The following TAOK3 variants were observed in gnomAD, a reference collection of about 807,000 sequenced individuals.
TAOK3 encodes TAO kinase 3.
Under a neutral mutation model 120.4 loss-of-function variants are expected in TAOK3, and 40 were observed. The observed-to-expected ratio is 0.33, with a 90% CI of 0.26 to 0.43. The LOEUF (loss-of-function observed/expected upper bound fraction) is 0.43. TAOK3 is among the 20% of genes least tolerant of loss of function. The pLI, the probability that TAOK3 is intolerant of heterozygous loss-of-function variation, is 1.00. For missense variants in TAOK3, 821 were observed against 1,112.1 expected, an observed-to-expected ratio of 0.74 and a Z score of 3.72; for synonymous variants, 355 against 387.5, an observed-to-expected ratio of 0.92 and a Z score of 0.99.
chr12:118,246,486 G>A lies in TAOK3; in HGVS notation c.121-1521C>T. 1.2e-5 allele frequency: 19 copies of A among 1,554,808 alleles called. No individual in the cohort carries two copies. The South Asian group carries it at 1.9e-4, about 16-fold the overall frequency. ...GTTTGTTGCTATCGGGGACTACAAT[G>A]GCCACGTCGGTCTGGGTGTTAAGTG... On this transcript the variant is annotated intron_variant, in intron 3 of 20. Coordinates refer to ENST00000392533, the MANE Select transcript of TAOK3 (RefSeq NM_016281.4).
chr12:118,172,936 T>C (rs987961023), intron 16 of TAOK3, among the ~76,000 whole-genome samples: 1 of 152,128 alleles, frequency 6.6e-6, no homozygotes, highest in African/African-American at 2.4e-5. Context: ...GCTCCTATCA[T>C]GTGACAGGCA....
intron 1 of TAOK3, among the ~76,000 whole-genome samples, chr12:118,349,279 T>C (rs1473073517): frequency 6.6e-6 from 1 of 152,224 alleles, no homozygotes; most frequent in Non-Finnish European, 1.5e-5. Context: ...CCCAAGAGAA[T>C]GGAAAAATAT....
intron 9 of TAOK3, among the ~76,000 whole-genome samples, chr12:118,229,860 G>A (rs2039683797): frequency 6.6e-6 from 1 of 152,094 alleles, no homozygotes; most frequent in South Asian, 2.1e-4. Context: ...GAACCTGGGA[G>A]GTGGAGGTTG....
At chr12:118,239,143 G>A (rs2040138467) in intron 6 of TAOK3, 84 bp downstream of exon 6, 1 of 888,792 alleles carries the variant, frequency 1.1e-6, no homozygotes, top group Non-Finnish European at 1.9e-6. Flanking sequence ...CAATTAGACT[G>A]CCCAAACTAC....
intron 10 of TAOK3, 139 bp downstream of exon 10, chr12:118,213,878 G>A (rs2038749482): frequency 1.4e-6 from 1 of 711,840 alleles, no homozygotes. Context: ...ATGCTTGTGA[G>A]GCATCAGTGT....
At position 118,160,448 on chromosome 12, in the gene TAOK3, A is replaced by G. The variant is rs2035139922; in HGVS notation, c.2140-90T>C. Reference sequence around the variant, plus strand: ...ATAATGATATAATACAAGTGCTGAGAGCGTCTGTTTTTTGGTGCAGTGACT... The same window carrying G: ...ATAATGATATAATACAAGTGCTGAGGGCGTCTGTTTTTTGGTGCAGTGACT... On this transcript the variant is annotated intron_variant, in intron 18 of 20. Coordinates refer to ENST00000392533, the MANE Select transcript of TAOK3 (RefSeq NM_016281.4). This position sits in a 1 kb window ranked among gnomAD's most constrained non-coding sequence, Gnocchi z 4.2. 2 of 1,124,938 alleles carry G rather than the reference A, an allele frequency of 1.8e-6. No homozygotes were observed. The highest frequency in any genetic ancestry group is 2.6e-6 in the Non-Finnish European group (2 of 775,392). The allele number at this position is 1,124,938 out of a possible 1,614,324, so 69.7% of individuals were successfully genotyped here.
At chr12:118,221,036 G>GT (rs2139637517) in intron 9 of TAOK3, among the ~76,000 whole-genome samples, 1 of 152,316 alleles carries the variant, frequency 6.6e-6, no homozygotes, top group East Asian at 1.9e-4. Flanking sequence ...GCCTGCTTTT[G>GT]TAAGTTTATT....
intron 1 of TAOK3, among the ~76,000 whole-genome samples, chr12:118,297,442 C>G (rs2042725354): frequency 6.6e-6 from 1 of 152,180 alleles, no homozygotes; most frequent in Non-Finnish European, 1.5e-5. Context: ...CAGAGCTTCA[C>G]AGGGCTGGTT....
chr12:118,356,295 C>CTT (rs949021724), intron 1 of TAOK3, among the ~76,000 whole-genome samples: 320 of 109,258 alleles, frequency 2.9e-3, no homozygotes, highest in Non-Finnish European at 4.4e-3. Context: ...TGGTCACTTT[C>CTT]TTTTTTTTTT....
At chr12:118,335,639 T>C (rs970677124) in intron 1 of TAOK3, among the ~76,000 whole-genome samples, 2 of 152,110 alleles carry the variant, frequency 1.3e-5, no homozygotes, top group Non-Finnish European at 2.9e-5. Flanking sequence ...AAGACTAGTC[T>C]GGTCAACATG....
chr12:118,257,306 G>C (rs2041029663), intron 2 of TAOK3, among the ~76,000 whole-genome samples: 1 of 152,172 alleles, frequency 6.6e-6, no homozygotes, highest in South Asian at 2.1e-4. Flanking sequence ...CCCATGTAAA[G>C]AGGCAAGTTA....
At chr12:118,244,167 A>G (rs2040374833) in intron 4 of TAOK3, among the ~76,000 whole-genome samples, 1 of 152,116 alleles carries the variant, frequency 6.6e-6, no homozygotes, top group African/African-American at 2.4e-5. Context: ...GGCTCAAGCA[A>G]TCTTCCCACT....
intron 1 of TAOK3, among the ~76,000 whole-genome samples, chr12:118,342,774 A>C (rs949038004): frequency 6.6e-6 from 1 of 152,008 alleles, no homozygotes; most frequent in Non-Finnish European, 1.5e-5. Flanking sequence ...TCTTTACAAA[A>C]AATACAAAAA....
chr12:118,239,156 T>G (rs956108959), intron 6 of TAOK3, 71 bp downstream of exon 6: 1 of 1,021,782 alleles, frequency 9.8e-7, no homozygotes, highest in Non-Finnish European at 1.5e-6. Flanking sequence ...CAAACTACAC[T>G]TTAGTATGGC....
At chr12:118,211,965 T>C (rs1208518837) in intron 11 of TAOK3, among the ~76,000 whole-genome samples, 1 of 152,222 alleles carries the variant, frequency 6.6e-6, no homozygotes, top group Non-Finnish European at 1.5e-5. Flanking sequence ...GTTTAAAACA[T>C]GTAAGGGCTC....
At chr12:118,190,913 C>T (rs370480954) in intron 13 of TAOK3, among the ~76,000 whole-genome samples, 3 of 152,088 alleles carry the variant, frequency 2.0e-5, no homozygotes, top group East Asian at 1.9e-4. Flanking sequence ...GAAAAAAGGA[C>T]GCTATAGTAA....
At chr12:118,346,721 A>T (rs1030660327) in intron 1 of TAOK3, among the ~76,000 whole-genome samples, 1 of 152,242 alleles carries the variant, frequency 6.6e-6, no homozygotes, top group South Asian at 2.1e-4. Context: ...ATAGGCAAAG[A>T]TATGTTCAAT....
chr12:118,332,622 G>T (rs533969322), intron 1 of TAOK3, among the ~76,000 whole-genome samples: 12 of 152,184 alleles, frequency 7.9e-5, no homozygotes, highest in Non-Finnish European at 1.6e-4. Context: ...TACACAGAAA[G>T]AAGCCATGTT....
chr12:118,325,767 C>T (rs1566121238), intron 1 of TAOK3, among the ~76,000 whole-genome samples: 1 of 152,100 alleles, frequency 6.6e-6, no homozygotes, highest in Non-Finnish European at 1.5e-5. Flanking sequence ...GCAACGTCTG[C>T]CTCCCAGGTT....
Sources: gnomAD v4.1 joint callset for allele counts (sites outside exome capture counted in the v4.1 genomes callset) on GRCh38, gnomAD v4.1.1 for gene constraint, Gnocchi (gnomAD v3.1) non-coding constraint, MANE v1.5 for transcripts, NCBI Gene and HGNC (gene_info 2026-07-23, HGNC 2026-07-21) for gene names.